PPARGC1A: variants seen among roughly 807,000 people sequenced by gnomAD.
PPARGC1A encodes peroxisome proliferator-activated receptor gamma coactivator 1-alpha.
In PPARGC1A, 25 loss-of-function variants were observed where a neutral mutation model predicts 88.7. The ratio of observed to expected loss-of-function variants is 0.28; its 90% CI spans 0.21 to 0.39. PPARGC1A has a LOEUF of 0.39. Among genes scored for constraint, PPARGC1A ranks in the 10% least tolerant of loss-of-function variants. The probability of loss-of-function intolerance (pLI) is 1.00; values close to 1 mark genes in which losing one functional copy is unlikely to be tolerated. For synonymous variants in PPARGC1A, 363 were observed against 355.6 expected (o/e 1.02, Z -0.24); for missense variants, 880 against 968.7 (o/e 0.91, Z 1.22).
intron 2 of PPARGC1A, chr4:23,882,722 C>T (rs1025510267): frequency 6.6e-6 from 1 of 152,038 alleles, no homozygotes; most frequent in Non-Finnish European, 1.5e-5. Flanking sequence ...GAATATGATA[C>T]AGGGAGACAA....
At chr4:24,171,297 T>C in the PPARGC1A span, among the ~76,000 whole-genome samples, 5 of 152,124 alleles carry the variant, frequency 3.3e-5, 1 homozygote, top group African/African-American at 1.2e-4. Flanking sequence ...TCCCAGCTAC[T>C]TGGGAGGTTG....
At chr4:23,870,294 T>C (rs1713021150) in intron 2 of PPARGC1A, among the ~76,000 whole-genome samples, 1 of 152,246 alleles carries the variant, frequency 6.6e-6, no homozygotes, top group South Asian at 2.1e-4. Context: ...CGTATTTACA[T>C]ATTTTCCCCA....
intron 1 of PPARGC1A, among the ~76,000 whole-genome samples, chr4:23,898,330 T>C (rs1718857141): frequency 6.6e-6 from 1 of 152,178 alleles, no homozygotes; most frequent in Non-Finnish European, 1.5e-5. Flanking sequence ...ACGACTCTAT[T>C]GAGCAAGAGG....
the PPARGC1A span, among the ~76,000 whole-genome samples, chr4:24,089,262 C>T: frequency 3.2e-4 from 48 of 152,276 alleles, 1 homozygote; most frequent in East Asian, 8.7e-3. Context: ...GATTTAGTTT[C>T]CTCCCTTAGG....
intron 10 of PPARGC1A, among the ~76,000 whole-genome samples, chr4:23,806,073 A>G (rs1466954355): frequency 6.6e-6 from 1 of 152,184 alleles, no homozygotes; most frequent in East Asian, 1.9e-4. Context: ...GGGGAGAAAC[A>G]GGAAACCGAA....
chr4:24,188,568 GT>G, the PPARGC1A span, among the ~76,000 whole-genome samples: 2 of 152,224 alleles, frequency 1.3e-5, no homozygotes, highest in East Asian at 3.9e-4. Flanking sequence ...TCAAGTAAAG[GT>G]CCCAATGTGA....
chr4:24,228,120 G>A, the PPARGC1A span, among the ~76,000 whole-genome samples: 1 of 152,100 alleles, frequency 6.6e-6, no homozygotes. Flanking sequence ...GTGGGATGGG[G>A]GAACATCCTG....
At chr4:24,472,768 G>A in the PPARGC1A span, among the ~76,000 whole-genome samples, 1 of 152,086 alleles carries the variant, frequency 6.6e-6, no homozygotes, top group Non-Finnish European at 1.5e-5. This position sits in a 1 kb window ranked among gnomAD's most constrained non-coding sequence, Gnocchi z 4.5. Flanking sequence ...CCGGCTGCGT[G>A]TGTGCGCGCG....
At chr4:24,338,488 C>T in the PPARGC1A span, among the ~76,000 whole-genome samples, 968 of 152,222 alleles carry the variant, frequency 6.4e-3, 10 homozygotes, top group Admixed American at 0.013. Context: ...TAATTCCATC[C>T]AGGCTGATAA....
At chr4:23,911,239 C>A in the PPARGC1A span, among the ~76,000 whole-genome samples, 1 of 152,130 alleles carries the variant, frequency 6.6e-6, no homozygotes, top group Non-Finnish European at 1.5e-5. Flanking sequence ...TTGATATCAA[C>A]CTACCTGTCC....
chr4:24,089,434 A>G, the PPARGC1A span, among the ~76,000 whole-genome samples: 1 of 151,838 alleles, frequency 6.6e-6, no homozygotes, highest in Admixed American at 6.6e-5. Context: ...TTTCCACCCA[A>G]TGCCAAGAGT....
the PPARGC1A span, among the ~76,000 whole-genome samples, chr4:24,000,721 T>G: frequency 6.6e-6 from 1 of 152,174 alleles, no homozygotes. Flanking sequence ...ATCCACGATT[T>G]GATGATAAAT....
the PPARGC1A span, among the ~76,000 whole-genome samples, chr4:24,448,900 T>A: frequency 2.6e-5 from 4 of 152,206 alleles, no homozygotes; most frequent in Non-Finnish European, 5.9e-5. Flanking sequence ...TGCTCTTGGA[T>A]CTGCTTCCTC....
the PPARGC1A span, among the ~76,000 whole-genome samples, chr4:24,431,842 C>T: frequency 5.3e-5 from 8 of 151,942 alleles, no homozygotes; most frequent in Non-Finnish European, 1.0e-4. Flanking sequence ...TAAAATCAAG[C>T]CAGGGAAGGA....
At chr4:23,888,515 G>T (rs1308751970) in intron 1 of PPARGC1A, among the ~76,000 whole-genome samples, 1 of 152,128 alleles carries the variant, frequency 6.6e-6, no homozygotes, top group East Asian at 1.9e-4. Context: ...AGGCAATTAG[G>T]ACTTTGAAGC....
chr4:24,426,146 T>C, the PPARGC1A span, among the ~76,000 whole-genome samples: 1 of 152,172 alleles, frequency 6.6e-6, no homozygotes, highest in African/African-American at 2.4e-5. Flanking sequence ...TTATTTCTTC[T>C]TACAGAAGAA....
chr4:23,924,475 A>C, the PPARGC1A span, among the ~76,000 whole-genome samples: 1 of 152,010 alleles, frequency 6.6e-6, no homozygotes, highest in African/African-American at 2.4e-5. Flanking sequence ...AAAATACAAA[A>C]ATTAGCTGGG....
the PPARGC1A span, among the ~76,000 whole-genome samples, chr4:24,025,524 C>A: frequency 6.6e-6 from 1 of 152,124 alleles, no homozygotes; most frequent in Non-Finnish European, 1.5e-5. Context: ...CCCAGCCCCA[C>A]CCCCTTTGAC....
chr4:24,225,462 G>A, the PPARGC1A span, among the ~76,000 whole-genome samples: 8 of 151,856 alleles, frequency 5.3e-5, no homozygotes, highest in African/African-American at 9.7e-5. Context: ...CCAGCTACTC[G>A]GGAGGCTGAG....
Sources: allele counts gnomAD v4.1 joint callset (sites outside exome capture counted in the v4.1 genomes callset), GRCh38; gene constraint gnomAD v4.1.1; non-coding constraint Gnocchi (gnomAD v3.1); transcripts MANE v1.5; gene names NCBI Gene and HGNC (gene_info 2026-07-23, HGNC 2026-07-21).